LYVE1: variants seen among roughly 807,000 people sequenced by gnomAD.
LYVE1 encodes lymphatic vessel endothelial hyaluronic acid receptor 1.
LYVE1 carries 29 observed loss-of-function variants against 31.5 expected under a neutral mutation model. The observed-to-expected ratio is 0.92, with a 90% CI of 0.69 to 1.26. The LOEUF (loss-of-function observed/expected upper bound fraction) is 1.26, where lower values mean the gene tolerates loss of function less well. Ranked by LOEUF, LYVE1 falls within the 50% of genes most tolerant of loss-of-function variation. The probability of loss-of-function intolerance (pLI) is 0.00; values close to 1 mark genes in which losing one functional copy is unlikely to be tolerated. For missense variants in LYVE1, 376 were observed against 380.2 expected (o/e 0.99, Z 0.09); for synonymous variants, 134 against 139.4 (o/e 0.96, Z 0.27).
chr11:10,562,238 A>C (rs1342021232), intron 3 of LYVE1, among the ~76,000 whole-genome samples: 2 of 152,228 alleles, frequency 1.3e-5, no homozygotes, highest in Non-Finnish European at 2.9e-5. Context: ...GTGATGATAG[A>C]CCAAAGAGGC....
At chr11:10,561,459 G>A (rs1280691108) in intron 3 of LYVE1, among the ~76,000 whole-genome samples, 1 of 152,092 alleles carries the variant, frequency 6.6e-6, no homozygotes, top group Admixed American at 6.5e-5. Flanking sequence ...TGTCACTTCA[G>A]GACAAAGATA....
intron 5 of LYVE1, 68 bp downstream of exon 5, chr11:10,559,748 A>T: frequency 7.1e-7 from 1 of 1,408,692 alleles, no homozygotes; most frequent in Non-Finnish European, 1.0e-6. Context: ...GCCAACAGTG[A>T]CCCTGAAAAA....
chr11:10,564,712 G>A (rs1010318513), intron 1 of LYVE1, among the ~76,000 whole-genome samples: 17 of 152,196 alleles, frequency 1.1e-4, no homozygotes, highest in African/African-American at 4.1e-4. Context: ...TCTGGAGTCT[G>A]TAAAATGAAG....
At chr11:10,559,715 A>C in intron 5 of LYVE1, 101 bp downstream of exon 5, 1 of 940,494 alleles carries the variant, frequency 1.1e-6, no homozygotes, top group Non-Finnish European at 1.7e-6. Context: ...GAGGACTGCT[A>C]TCTCCATTTT....
In LYVE1 at chr11:10,560,769, A is replaced by G. The variant is rs1344711385; in HGVS notation, c.429T>C (p.Ile143=). Residue 143 remains isoleucine (I), a synonymous_variant, in exon 4 of 6, where the codon ATT becomes ATC. Transcript: ENST00000256178. ...TGAATATGGGATCTTTGGTGGTGAT[A>G]ATTTCTGGAATGCACGAGTTAGTCC... ...DTWTNSCIPE[I]ITTKDPIFNT... 10 of 1,612,580 alleles carry G rather than the reference A, an allele frequency of 6.2e-6. No homozygotes were observed. In the East Asian group the frequency reaches 1.1e-4, roughly 18 times the overall value.
intron 3 of LYVE1, among the ~76,000 whole-genome samples, chr11:10,561,728 T>C (rs1416454610): frequency 6.6e-6 from 1 of 152,026 alleles, no homozygotes; most frequent in East Asian, 1.9e-4. Flanking sequence ...ACAGAGCTAG[T>C]AAATGGCAGA....
rs1263587457 is a variant in LYVE1 at position 10,557,575 on chromosome 11, C to T, written c.*1536G>A. 3 of 152,098 alleles carry T rather than the reference C, an allele frequency of 2.0e-5. No individual in the cohort carries two copies. Among genetic ancestry groups the T allele is most frequent in the Non-Finnish European group, 4.4e-5 (3 of 68,028 alleles). The allele number at this position is 152,098 out of a possible 1,614,324, so 9.4% of individuals were successfully genotyped here. ...AGAAGCAGGGCGGTCAAAAGTGAGA[C>T]GAATGAGCCATCCTGGATCTCTGGC... On this transcript the variant is annotated 3_prime_UTR_variant, in exon 6 of 6. Coordinates refer to ENST00000256178, the MANE Select transcript of LYVE1 (RefSeq NM_006691.4).
chr11:10,560,016 T>G, intron 4 of LYVE1, 122 bp from the exon 5 acceptor site: 1 of 651,072 alleles, frequency 1.5e-6, no homozygotes, highest in Non-Finnish European at 2.7e-6. Flanking sequence ...TCTGTAGCCC[T>G]TTATGATATT....
At chr11:10,562,946 CTTTT>C (rs71034774) in intron 3 of LYVE1, among the ~76,000 whole-genome samples, 47 of 79,472 alleles carry the variant, frequency 5.9e-4, no homozygotes, top group African/African-American at 2.1e-3. Flanking sequence ...AACTCGGTTT[CTTTT>C]TTTTTTTTTT....
intron 3 of LYVE1, among the ~76,000 whole-genome samples, chr11:10,563,238 T>C (rs550856590): frequency 1.3e-5 from 2 of 152,228 alleles, no homozygotes; most frequent in South Asian, 4.1e-4. Context: ...CATGAGCCAC[T>C]GTGCCCGGCC....
chr11:10,566,410 C>T (rs544508049), intron 1 of LYVE1, among the ~76,000 whole-genome samples: 21 of 152,092 alleles, frequency 1.4e-4, no homozygotes, highest in South Asian at 6.2e-4. Flanking sequence ...GTGCCCAACC[C>T]GGCCCCCAGT....
At chr11:10,565,482 G>A (rs557742607) in intron 1 of LYVE1, among the ~76,000 whole-genome samples, 1 of 152,126 alleles carries the variant, frequency 6.6e-6, no homozygotes, top group Non-Finnish European at 1.5e-5. Context: ...TTGCTTGTAC[G>A]CAGCTCTGTG....
At position 10,559,884 on chromosome 11, in the gene LYVE1, C is replaced by T. The variant is rs117484197; in HGVS notation, c.714G>A (p.Thr238=). 1.2e-3 allele frequency: 1,903 copies of T among 1,613,588 alleles called. 2 individuals carry two copies. Among genetic ancestry groups the T allele is most frequent in the Non-Finnish European group, 1.4e-3 (1,617 of 1,179,600 alleles). ...NEAAGFGGVP[T]ALLVLALLFF... ...AGAGGAGAGCAAGCACTAGCAGAGCCGTGGGGACACCTGCAAGGAACAGAG... is the reference window on the plus strand; with the variant it reads ...AGAGGAGAGCAAGCACTAGCAGAGCTGTGGGGACACCTGCAAGGAACAGAG... The change falls in exon 5 of 6, where the codon ACG becomes ACA. Residue 238 remains threonine (T), a synonymous_variant. Coordinates refer to ENST00000256178, the MANE Select transcript of LYVE1 (RefSeq NM_006691.4).
At chr11:10,561,471 G>A (rs932508269) in intron 3 of LYVE1, among the ~76,000 whole-genome samples, 2 of 152,136 alleles carry the variant, frequency 1.3e-5, no homozygotes, top group African/African-American at 4.8e-5. Context: ...ACAAAGATAT[G>A]CTAAGACCTG....
chr11:10,564,339 T>TCA lies in LYVE1; in HGVS notation c.120_121insTG (p.Ile41Ter). ...TTCGCCTTTTTGCTCACAAGGGTGA[T>TCA]CCCCATAATTCTGCATGACACCTGG... is the stretch of plus-strand genomic sequence containing the variant. On this transcript the variant is annotated frameshift_variant, in exon 2 of 6. Coordinates refer to ENST00000256178, the MANE Select transcript of LYVE1 (RefSeq NM_006691.4). LOFTEE classifies it high-confidence loss of function. 1 of 1,614,036 alleles carries TCA rather than the reference T, an allele frequency of 6.2e-7. No individual in the cohort carries two copies. The highest frequency in any genetic ancestry group is 8.5e-7 in the Non-Finnish European group (1 of 1,179,930).
At chr11:10,560,867 A>G (rs1850410951) in intron 3 of LYVE1, 67 bp from the exon 4 acceptor site, 14 of 1,298,150 alleles carry the variant, frequency 1.1e-5, no homozygotes, top group African/African-American at 1.5e-5. Flanking sequence ...TCTTGCCTCT[A>G]GTCTTACTAC....
chr11:10,561,689 T>C (rs958036386), intron 3 of LYVE1, among the ~76,000 whole-genome samples: 2 of 152,186 alleles, frequency 1.3e-5, no homozygotes, highest in Non-Finnish European at 2.9e-5. Flanking sequence ...AACTGAAGTT[T>C]AGAGAAATTG....
intron 1 of LYVE1, among the ~76,000 whole-genome samples, chr11:10,567,061 G>A (rs181173622): frequency 6.6e-6 from 1 of 152,272 alleles, no homozygotes; most frequent in African/African-American, 2.4e-5. Context: ...CATATGCTTA[G>A]GAATCAGATA....
chr11:10,559,891 A>T lies in LYVE1; in HGVS notation c.707T>A (p.Val236Asp). 6.2e-7 allele frequency: 1 copy of T among 1,613,150 alleles called. No homozygotes were observed. The highest frequency in any genetic ancestry group is 8.5e-7 in the Non-Finnish European group (1 of 1,179,182). The change falls in exon 5 of 6, where the codon GTC (valine) becomes GAC (aspartate). Residue 236 changes from valine to aspartate, a missense_variant. Coordinates refer to ENST00000256178, the MANE Select transcript of LYVE1 (RefSeq NM_006691.4). The part of the protein sequence containing the change: ...FKNEAAGFGG[V>D]PTALLVLALL... ...AGCAAGCACTAGCAGAGCCGTGGGG[A>T]CACCTGCAAGGAACAGAGACAAGGC... is the stretch of plus-strand genomic sequence containing the variant.
Sources: gnomAD v4.1 joint callset for allele counts (sites outside exome capture counted in the v4.1 genomes callset) on GRCh38, gnomAD v4.1.1 for gene constraint, MANE v1.5 for transcripts, NCBI Gene and HGNC (gene_info 2026-07-23, HGNC 2026-07-21) for gene names.